SH3PXD2A: variants seen among roughly 807,000 people sequenced by gnomAD.
SH3PXD2A encodes the protein SH3 and PX domain-containing protein 2A.
In SH3PXD2A, 32 loss-of-function variants were observed where a neutral mutation model predicts 115.2. That is an observed-to-expected ratio of 0.28 (90% CI 0.21 to 0.37). SH3PXD2A has a LOEUF of 0.37. Among genes scored for constraint, SH3PXD2A ranks in the 10% least tolerant of loss-of-function variants. The pLI is 1.00. For missense variants in SH3PXD2A, 1,328 were observed against 1,498.7 expected (o/e 0.89, Z 1.88); for synonymous variants, 610 against 629.1 (o/e 0.97, Z 0.45).
At chr10:103,741,933 T>A (rs1481670398) in intron 3 of SH3PXD2A, among the ~76,000 whole-genome samples, 3 of 151,972 alleles carry the variant, frequency 2.0e-5, no homozygotes, top group African/African-American at 4.8e-5. Flanking sequence ...TCGCTTGAAC[T>A]CAGGAGTTCA....
chr10:103,624,711 C>A (rs1259173745), intron 9 of SH3PXD2A, among the ~76,000 whole-genome samples: 3 of 152,190 alleles, frequency 2.0e-5, no homozygotes, highest in African/African-American at 7.2e-5. Context: ...GGGCTCAGGG[C>A]ACCTATGATG....
intron 14 of SH3PXD2A, among the ~76,000 whole-genome samples, chr10:103,604,355 T>C (rs1482800704): frequency 6.6e-6 from 1 of 152,180 alleles, no homozygotes; most frequent in East Asian, 1.9e-4. Context: ...CCCACTGAAA[T>C]CCCACTAGCT....
At chr10:103,693,207 C>G in intron 5 of SH3PXD2A, 151 bp from the exon 6 acceptor site, 1 of 247,388 alleles carries the variant, frequency 4.0e-6, no homozygotes, top group Non-Finnish European at 7.3e-6. Context: ...CGCTCCGCAG[C>G]CGCACGCACT....
intron 9 of SH3PXD2A, among the ~76,000 whole-genome samples, chr10:103,626,274 G>A (rs1254231960): frequency 6.6e-6 from 1 of 152,264 alleles, no homozygotes; most frequent in Non-Finnish European, 1.5e-5. Context: ...ACTTTGGCCT[G>A]GCAGCAGAAA....
At chr10:103,682,551 T>A (rs2037624188) in intron 6 of SH3PXD2A, among the ~76,000 whole-genome samples, 1 of 150,850 alleles carries the variant, frequency 6.6e-6, no homozygotes. Flanking sequence ...AGGTCAGGAG[T>A]TCAAGACCAG....
chr10:103,767,805 G>A (rs1472268701), intron 2 of SH3PXD2A, among the ~76,000 whole-genome samples: 1 of 92,640 alleles, frequency 1.1e-5, no homozygotes, highest in African/African-American at 4.8e-5. Context: ...AGGAACAACT[G>A]TTTTGTTTTT....
chr10:103,691,159 A>G (rs560533974), intron 6 of SH3PXD2A, among the ~76,000 whole-genome samples: 14 of 152,286 alleles, frequency 9.2e-5, no homozygotes, highest in African/African-American at 3.1e-4. Context: ...AATTTGCCCA[A>G]GGTCACATAG....
chr10:103,704,063 G>A lies in SH3PXD2A; in HGVS notation c.399-11007C>T, dbSNP rs551655431. ...ACAGTCAGGCTCAGTAACAGGGAGCGCATACACAGATCCTCCACCTGCTCC... is the reference window on the plus strand; with the variant it reads ...ACAGTCAGGCTCAGTAACAGGGAGCACATACACAGATCCTCCACCTGCTCC... On this transcript the variant is annotated intron_variant, in intron 5 of 14. Transcript: ENST00000369774. 7.2e-4 allele frequency among the ~76,000 whole-genome samples: 110 copies of A among 152,302 alleles called. 1 individual carries two copies. In the South Asian group the frequency reaches 0.018, roughly 25 times the overall value.
intron 3 of SH3PXD2A, among the ~76,000 whole-genome samples, chr10:103,758,152 C>T (rs958591659): frequency 1.3e-4 from 20 of 152,344 alleles, no homozygotes; most frequent in African/African-American, 3.4e-4. Flanking sequence ...CAGGTGGAGC[C>T]GCTCTGGAGT....
At chr10:103,786,513 A>G (rs2134246573) in intron 2 of SH3PXD2A, among the ~76,000 whole-genome samples, 1 of 152,254 alleles carries the variant, frequency 6.6e-6, no homozygotes, top group Non-Finnish European at 1.5e-5. Context: ...CAAAAAATTT[A>G]AAAATTAGTC....
intron 2 of SH3PXD2A, among the ~76,000 whole-genome samples, chr10:103,774,492 G>A (rs903631565): frequency 6.6e-6 from 1 of 151,940 alleles, no homozygotes; most frequent in African/African-American, 2.4e-5. Context: ...TTTGAAAGTC[G>A]TTCAACATCT....
At chr10:103,685,445 C>G (rs1331488606) in intron 6 of SH3PXD2A, among the ~76,000 whole-genome samples, 1 of 152,100 alleles carries the variant, frequency 6.6e-6, no homozygotes, top group Admixed American at 6.6e-5. Flanking sequence ...ACCACCTACC[C>G]TGGTTGTTGC....
intron 4 of SH3PXD2A, among the ~76,000 whole-genome samples, chr10:103,726,921 A>G (rs1038215404): frequency 6.6e-6 from 1 of 152,196 alleles, no homozygotes; most frequent in Non-Finnish European, 1.5e-5. Context: ...TGGCTCTCCA[A>G]GGGTCTCTGA....
chr10:103,613,534 C>T (rs2036463326), intron 11 of SH3PXD2A, among the ~76,000 whole-genome samples: 1 of 152,196 alleles, frequency 6.6e-6, no homozygotes, highest in South Asian at 2.1e-4. Flanking sequence ...CCTGCTACTT[C>T]CCAGTCAGTT....
Position 103,611,635 on chromosome 10 carries a change from A to T in SH3PXD2A, c.1259-5T>A. The T allele has an allele frequency of 6.2e-7, 1 of 1,613,484 alleles. No homozygotes were observed. The highest frequency in any genetic ancestry group is 1.1e-5 in the South Asian group (1 of 91,070). On this transcript the variant is annotated splice_region_variant and splice_polypyrimidine_tract_variant and intron_variant, in intron 12 of 14. Coordinates refer to ENST00000369774, the MANE Select transcript of SH3PXD2A (RefSeq NM_001394015.1). The stretch of plus-strand genomic sequence containing the variant: ...TTGTCCGTAGGTTCGGGGAGCCTAG[A>T]GGAAGAGACATGGCTTCAGAAATCC...
At chr10:103,613,371 A>G (rs192985282) in intron 11 of SH3PXD2A, among the ~76,000 whole-genome samples, 181 bp from the exon 12 acceptor site, 2 of 152,302 alleles carry the variant, frequency 1.3e-5, no homozygotes, top group Admixed American at 1.3e-4. Context: ...GACACCCAGA[A>G]CACCAATTCC....
chr10:103,713,304 C>T (rs956875279), intron 5 of SH3PXD2A, among the ~76,000 whole-genome samples: 2 of 152,176 alleles, frequency 1.3e-5, no homozygotes, highest in Non-Finnish European at 2.9e-5. Context: ...CTCTCTAGAT[C>T]CTGACTGTTG....
intron 6 of SH3PXD2A, among the ~76,000 whole-genome samples, chr10:103,681,167 G>A (rs1323265147): frequency 6.6e-6 from 1 of 152,204 alleles, no homozygotes; most frequent in African/African-American, 2.4e-5. Flanking sequence ...GGTCAGGGCT[G>A]GGTAGGCCCC....
intron 1 of SH3PXD2A, among the ~76,000 whole-genome samples, chr10:103,826,566 T>C (rs189272117): frequency 1.6e-4 from 24 of 152,318 alleles, no homozygotes; most frequent in Middle Eastern, 3.4e-3. Flanking sequence ...ATGCAGATCC[T>C]AGGAGACAGA....
Sources: gnomAD v4.1 joint callset for allele counts (sites outside exome capture counted in the v4.1 genomes callset) on GRCh38, gnomAD v4.1.1 for gene constraint, MANE v1.5 for transcripts, NCBI Gene and HGNC (gene_info 2026-07-23, HGNC 2026-07-21) for gene names.